Variants in ANK3 observed in about 807,000 individuals in gnomAD.
The protein encoded by ANK3 is ankyrin-3.
In ANK3, 57 loss-of-function variants were observed where a neutral mutation model predicts 370.9. That is an observed-to-expected ratio of 0.15 (90% CI 0.12 to 0.19). The LOEUF (loss-of-function observed/expected upper bound fraction) is 0.19. Among genes scored for constraint, ANK3 ranks in the 10% least tolerant of loss-of-function variants. The probability of loss-of-function intolerance (pLI) is 1.00; values close to 1 mark genes in which losing one functional copy is unlikely to be tolerated. For missense variants in ANK3, 4,439 were observed against 5,302.1 expected, an observed-to-expected ratio of 0.84 and a Z score of 5.06; for synonymous variants, 1,929 against 1,946.3, an observed-to-expected ratio of 0.99 and a Z score of 0.23.
intron 2 of ANK3, among the ~76,000 whole-genome samples, chr10:60,541,992 C>A (rs2076859293): frequency 1.3e-5 from 2 of 151,838 alleles, no homozygotes; most frequent in Non-Finnish European, 2.9e-5. Context: ...ACTGAGCTGC[C>A]ATAGATTAGC....
chr10:60,657,219 G>T (rs2078876828), intron 1 of ANK3, among the ~76,000 whole-genome samples: 2 of 152,128 alleles, frequency 1.3e-5, no homozygotes, highest in Non-Finnish European at 2.9e-5. Flanking sequence ...GGATGAGAAA[G>T]ATCCGCCCCC....
chr10:60,422,044 G>A (rs1399137940), intron 2 of ANK3, among the ~76,000 whole-genome samples: 1 of 152,052 alleles, frequency 6.6e-6, no homozygotes, highest in Non-Finnish European at 1.5e-5. Context: ...ATACTATAGA[G>A]CAGGAATTTG....
At chr10:60,630,618 G>T (rs61079905) in intron 1 of ANK3, among the ~76,000 whole-genome samples, 2 of 152,166 alleles carry the variant, frequency 1.3e-5, no homozygotes, top group Non-Finnish European at 2.9e-5. Flanking sequence ...GGAAGGAAGG[G>T]GCTGTGAAAT....
At chr10:60,239,844 T>C (rs1246271192) in intron 7 of ANK3, among the ~76,000 whole-genome samples, 2 of 152,036 alleles carry the variant, frequency 1.3e-5, no homozygotes, top group East Asian at 3.8e-4. Context: ...TATACTGTTG[T>C]CAGGCTCATA....
chr10:60,258,557 A>G (rs2097766434), intron 7 of ANK3, among the ~76,000 whole-genome samples: 1 of 152,250 alleles, frequency 6.6e-6, no homozygotes, highest in East Asian at 1.9e-4. Flanking sequence ...AAATGAATAC[A>G]GAAAGCAATT....
At chr10:60,159,366 G>A (rs926283616) in intron 23 of ANK3, among the ~76,000 whole-genome samples, 8 of 152,146 alleles carry the variant, frequency 5.3e-5, no homozygotes, top group African/African-American at 1.9e-4. Context: ...AATTCAGCAA[G>A]GGGATATATA....
intron 28 of ANK3, among the ~76,000 whole-genome samples, chr10:60,093,636 T>C (rs574850965): frequency 2.0e-5 from 3 of 152,238 alleles, no homozygotes; most frequent in East Asian, 3.9e-4. Flanking sequence ...CCGAAAACGA[T>C]GACAGCACTG....
intron 2 of ANK3, among the ~76,000 whole-genome samples, chr10:60,613,809 C>T (rs1312030461): frequency 1.3e-5 from 2 of 152,144 alleles, no homozygotes; most frequent in Non-Finnish European, 2.9e-5. Flanking sequence ...TACCATGGCT[C>T]ACGCCTGTAA....
intron 15 of ANK3, 81 bp downstream of exon 15, chr10:60,196,446 G>C (rs1217896113): frequency 7.9e-6 from 8 of 1,011,114 alleles, no homozygotes; most frequent in Admixed American, 4.4e-5. Context: ...TATAATTTGA[G>C]TGGCTATTAG....
chr10:60,323,195 G>A (rs1013425079), intron 1 of ANK3, among the ~76,000 whole-genome samples: 1 of 152,150 alleles, frequency 6.6e-6, no homozygotes, highest in Non-Finnish European at 1.5e-5. Context: ...CAATCTCTCT[G>A]GGGAACTCTG....
At chr10:60,361,748 T>TC (rs1205118703) in intron 1 of ANK3, among the ~76,000 whole-genome samples, 2 of 152,204 alleles carry the variant, frequency 1.3e-5, no homozygotes, top group Non-Finnish European at 2.9e-5. Flanking sequence ...GTCCTGATTT[T>TC]CCATTCTTGT....
rs980191551 is a variant in ANK3 at position 60,168,315 on chromosome 10, C to T, written c.2479-1419G>A. Among the ~76,000 whole-genome samples, 3 of 152,154 alleles carry T rather than the reference C, an allele frequency of 2.0e-5. No homozygotes were observed. The South Asian group carries it at 6.2e-4, about 32-fold the overall frequency. On this transcript the variant is annotated intron_variant, in intron 21 of 43. Transcript: ENST00000280772. ...TGCTGGGAATACAGGCATGAGCCAC[C>T]GCGCCTGGCCTATTATTAAAATCTT...
At chr10:60,694,497 G>C (rs1284576898) in intron 1 of ANK3, among the ~76,000 whole-genome samples, 1 of 152,150 alleles carries the variant, frequency 6.6e-6, no homozygotes, top group Non-Finnish European at 1.5e-5. Flanking sequence ...CAGCCAGAGA[G>C]AAAGGTCGGG....
At chr10:60,589,812 A>G (rs551810464) in intron 2 of ANK3, among the ~76,000 whole-genome samples, 1 of 152,338 alleles carries the variant, frequency 6.6e-6, no homozygotes, top group Admixed American at 6.5e-5. Flanking sequence ...CATTTTTTAA[A>G]TGTACTATTT....
At chr10:60,288,409 T>C (rs1566285334) in intron 1 of ANK3, among the ~76,000 whole-genome samples, 1 of 152,200 alleles carries the variant, frequency 6.6e-6, no homozygotes, top group East Asian at 1.9e-4. Context: ...TACTGGAGCC[T>C]GAATTCATGG....
chr10:60,467,984 C>CTT (rs56199348), intron 2 of ANK3, among the ~76,000 whole-genome samples: 1,553 of 135,296 alleles, frequency 0.011, 24 homozygotes, highest in South Asian at 0.059. Context: ...CATATAAAAA[C>CTT]TTTTTTTTTT....
intron 1 of ANK3, among the ~76,000 whole-genome samples, chr10:60,720,508 A>G (rs1340883295): frequency 6.6e-6 from 1 of 152,256 alleles, no homozygotes; most frequent in East Asian, 1.9e-4. Context: ...TTTTGCAATT[A>G]AAAGTAATTA....
At chr10:60,636,755 A>G (rs940730906) in intron 1 of ANK3, among the ~76,000 whole-genome samples, 2 of 152,204 alleles carry the variant, frequency 1.3e-5, no homozygotes, top group Non-Finnish European at 2.9e-5. Flanking sequence ...AAAAACAAGC[A>G]ACAAAAAAGA....
intron 23 of ANK3, among the ~76,000 whole-genome samples, chr10:60,164,387 C>A (rs140820287): frequency 2.1e-4 from 32 of 151,846 alleles, no homozygotes; most frequent in African/African-American, 7.0e-4. Context: ...GTGTTCAGTT[C>A]TGGTCACCTC....
Sources: allele counts gnomAD v4.1 joint callset (sites outside exome capture counted in the v4.1 genomes callset), GRCh38; gene constraint gnomAD v4.1.1; transcripts MANE v1.5; gene names NCBI Gene and HGNC (gene_info 2026-07-23, HGNC 2026-07-21).